Variants in GCNT1 observed in about 807,000 individuals in gnomAD.
GCNT1 encodes the protein glucosaminyl (N-acetyl) transferase 1.
Under a neutral mutation model 26.2 loss-of-function variants are expected in GCNT1, and 16 were observed. The ratio of observed to expected loss-of-function variants is 0.61; its 90% CI spans 0.41 to 0.93. The LOEUF (loss-of-function observed/expected upper bound fraction) is 0.93. Ranked by LOEUF, GCNT1 falls within the 40% of genes least tolerant of loss-of-function variation. GCNT1 has a pLI of 0.00. For missense variants in GCNT1, 477 were observed against 526.7 expected (o/e 0.91, Z 0.92); for synonymous variants, 183 against 190.8 (o/e 0.96, Z 0.34).
intron 3 of GCNT1, 134 bp from the exon 4 acceptor site, chr9:76,502,105 C>T (rs10114810): frequency 0.08 from 13,057 of 162,830 alleles, 1,830 homozygotes; most frequent in African/African-American, 0.3. Context: ...TAAACCTAAC[C>T]TCATAGCAAA....
the GCNT1 span, among the ~76,000 whole-genome samples, chr9:76,404,538 G>C: frequency 5.3e-5 from 8 of 152,132 alleles, no homozygotes; most frequent in Admixed American, 5.2e-4. Flanking sequence ...AACTGACCTG[G>C]TTGTGAAATT....
exon 1 of GCNT1, chr9:76,442,011 T>G (rs1227747409): frequency 6.6e-6 from 1 of 152,208 alleles, no homozygotes; most frequent in East Asian, 1.9e-4. Flanking sequence ...GAAAACAGCT[T>G]AACTCTGTTC....
rs952635632 is a variant in GCNT1, at chr9:76,480,176, A to G, written c.-290+19999A>G. Reference sequence around the variant, plus strand: ...GACAAGATAGTTGTAGATGTGTGGTATTATTTCTGAGGGCTCTGTTCTGTT... The same window carrying G: ...GACAAGATAGTTGTAGATGTGTGGTGTTATTTCTGAGGGCTCTGTTCTGTT... On this transcript the variant is annotated intron_variant, in intron 2 of 3. Transcript: ENST00000376730. Among the ~76,000 whole-genome samples the G allele has an allele frequency of 5.3e-5, 8 of 152,094 alleles. No individual in the cohort carries two copies. The South Asian group carries it at 6.2e-4, about 12-fold the overall frequency.
intron 2 of GCNT1, among the ~76,000 whole-genome samples, chr9:76,478,648 A>G (rs1824323081): frequency 6.6e-6 from 1 of 152,224 alleles, no homozygotes; most frequent in Admixed American, 6.5e-5. Flanking sequence ...TTCATGTTGT[A>G]CCCTAAGCCA....
Position 76,445,456 on chromosome 9 carries a change from C to T in GCNT1, c.-290+3141C>T, listed in dbSNP as rs1219134460. On this transcript the variant is annotated intron_variant, in intron 1 of 2. Transcript: ENST00000442371. ...AGGCTGGAGTGCAGTGGCTCAGTCT[C>T]GGCTCACTGCAAACTCCACCTCTTG... Among the ~76,000 whole-genome samples, 7 of 151,954 alleles carry T rather than the reference C, an allele frequency of 4.6e-5. No homozygotes were observed. In the South Asian group the frequency reaches 1.2e-3, roughly 27 times the overall value.
chr9:76,408,064 A>T, the GCNT1 span, among the ~76,000 whole-genome samples: 2 of 152,196 alleles, frequency 1.3e-5, no homozygotes, highest in African/African-American at 4.8e-5. Flanking sequence ...AAATGTTCAG[A>T]TCATCTGCAA....
At chr9:76,466,678 A>G (rs1441705201) in intron 2 of GCNT1, among the ~76,000 whole-genome samples, 1 of 152,220 alleles carries the variant, frequency 6.6e-6, no homozygotes, top group African/African-American at 2.4e-5. Context: ...ACCAGTTTTC[A>G]GAGAGGGTGA....
intron 2 of GCNT1, among the ~76,000 whole-genome samples, chr9:76,460,986 T>G (rs1340280590): frequency 6.6e-6 from 1 of 152,204 alleles, no homozygotes; most frequent in African/African-American, 2.4e-5. Context: ...CCGTTTGTAA[T>G]TGAATTGCTT....
At chr9:76,496,416 C>T (rs1354867717) in intron 2 of GCNT1, among the ~76,000 whole-genome samples, 2 of 152,198 alleles carry the variant, frequency 1.3e-5, no homozygotes, top group Non-Finnish European at 2.9e-5. Context: ...TGTTCTTTCC[C>T]GCCTGTCAGC....
chr9:76,405,803 C>A, the GCNT1 span, among the ~76,000 whole-genome samples: 1 of 152,190 alleles, frequency 6.6e-6, no homozygotes, highest in Admixed American at 6.5e-5. Flanking sequence ...TGAAGGACGT[C>A]TTGATTGCTT....
intron 1 of GCNT1, among the ~76,000 whole-genome samples, chr9:76,435,912 T>C (rs1823400227): frequency 6.6e-6 from 1 of 151,886 alleles, no homozygotes; most frequent in African/African-American, 2.4e-5. Flanking sequence ...GCACTTCCTT[T>C]AGTAAGAATG....
intron 1 of GCNT1, among the ~76,000 whole-genome samples, chr9:76,449,047 G>T (rs1042014597): frequency 6.6e-6 from 1 of 152,062 alleles, no homozygotes; most frequent in Non-Finnish European, 1.5e-5. Flanking sequence ...GCCACCCCAG[G>T]CTGGGCATGG....
intron 1 of GCNT1, among the ~76,000 whole-genome samples, chr9:76,443,935 AAG>A (rs1823526489): frequency 3.3e-5 from 1 of 29,898 alleles, no homozygotes; most frequent in South Asian, 1.2e-3. Flanking sequence ...GGAAGAAAGG[AAG>A]GAAGGAAGGA....
intron 1 of GCNT1, among the ~76,000 whole-genome samples, chr9:76,426,793 G>T (rs1182334474): frequency 6.6e-6 from 1 of 151,952 alleles, no homozygotes; most frequent in East Asian, 1.9e-4. Flanking sequence ...GCTACTCGGG[G>T]GTGGCAGAGG....
chr9:76,503,219 A>G lies in GCNT1; in HGVS notation c.838A>G (p.Thr280Ala). 6.2e-7 allele frequency: 1 copy of G among 1,614,098 alleles called. No individual in the cohort carries two copies. The highest frequency in any genetic ancestry group is 8.5e-7 in the Non-Finnish European group (1 of 1,180,004). The change falls in exon 4 of 4, where the codon ACA becomes GCA. Residue 280 changes from threonine to alanine, a missense_variant. Physicochemically the swap from Thr to Ala is moderately conservative, Grantham distance 58 (BLOSUM62 0). Coordinates refer to ENST00000376730, the MANE Select transcript of GCNT1 (RefSeq NM_001490.5). Reference sequence around the variant, plus strand: ...TGTCAAAATGCTTCCTCCACTCGAAACACCTCTCTTTTCTGGCAGTGCCTA... The same window carrying G: ...TGTCAAAATGCTTCCTCCACTCGAAGCACCTCTCTTTTCTGGCAGTGCCTA... ...GTVKMLPPLETPLFSGSAYFV... is the reference protein window; with the variant it reads ...GTVKMLPPLEAPLFSGSAYFV...
intron 2 of GCNT1, among the ~76,000 whole-genome samples, chr9:76,463,181 C>T (rs752442347): frequency 3.9e-5 from 6 of 152,152 alleles, no homozygotes; most frequent in Non-Finnish European, 7.4e-5. Context: ...AGGATGCCTC[C>T]TTAGCTGGGG....
Position 76,449,762 on chromosome 9 carries a change from A to G in GCNT1, c.-290+7447A>G, listed in dbSNP as rs1182545012. Among the ~76,000 whole-genome samples, 3 of 152,104 alleles carry G rather than the reference A, an allele frequency of 2.0e-5. No homozygotes were observed. The East Asian group carries it at 5.8e-4, about 29-fold the overall frequency. On this transcript the variant is annotated intron_variant, in intron 1 of 2. Coordinates refer to the GCNT1 transcript ENST00000442371. The stretch of plus-strand genomic sequence containing the variant: ...TCTGTGAAGCTTACATATGCAAACA[A>G]AATAAACCTTTTCGTTTTTGTTTGT...
upstream of GCNT1, among the ~76,000 whole-genome samples, chr9:76,438,441 G>A (rs1226386735): frequency 6.6e-6 from 1 of 152,198 alleles, no homozygotes; most frequent in Non-Finnish European, 1.5e-5. Context: ...AGCAGACTTT[G>A]TAGAGAGTAG....
At chr9:76,473,017 G>C (rs1377207874) in intron 2 of GCNT1, among the ~76,000 whole-genome samples, 1 of 152,042 alleles carries the variant, frequency 6.6e-6, no homozygotes. Context: ...CTAAAGTGCT[G>C]GGATTACAGG....
Sources: allele counts gnomAD v4.1 joint callset (sites outside exome capture counted in the v4.1 genomes callset), GRCh38; gene constraint gnomAD v4.1.1; transcripts MANE v1.5; gene names NCBI Gene and HGNC (gene_info 2026-07-23, HGNC 2026-07-21).